LYPLAL1: variants seen among roughly 807,000 people sequenced by gnomAD.
LYPLAL1 encodes lysophospholipase like 1.
LYPLAL1 carries 23 observed loss-of-function variants against 19.7 expected under a neutral mutation model. The observed-to-expected ratio is 1.17, with a 90% CI of 0.84 to 1.65. The LOEUF (loss-of-function observed/expected upper bound fraction) is 1.65. LYPLAL1 is among the 40% of genes most tolerant of loss of function. The probability of loss-of-function intolerance (pLI) is 0.00; values close to 1 mark genes in which losing one functional copy is unlikely to be tolerated. For missense variants in LYPLAL1, 355 were observed against 279.4 expected (o/e 1.27, Z -1.93); for synonymous variants, 119 against 96.3 (o/e 1.24, Z -1.38).
chr1:219,260,084 A>C, the LYPLAL1 span, among the ~76,000 whole-genome samples: 2 of 152,048 alleles, frequency 1.3e-5, no homozygotes, highest in Non-Finnish European at 2.9e-5. Context: ...ATAATTTTAC[A>C]AAACAGCAGA....
the LYPLAL1 span, among the ~76,000 whole-genome samples, chr1:219,388,950 A>G: frequency 3.3e-5 from 5 of 152,306 alleles, no homozygotes; most frequent in South Asian, 6.2e-4. Context: ...GTGGACTAGA[A>G]TACACAGCTA....
At chr1:219,346,514 G>A in the LYPLAL1 span, among the ~76,000 whole-genome samples, 2 of 149,324 alleles carry the variant, frequency 1.3e-5, no homozygotes, top group Non-Finnish European at 3.0e-5. Context: ...TGGGAAAATA[G>A]GGCCAGTTTC....
chr1:219,417,388 G>T, the LYPLAL1 span, among the ~76,000 whole-genome samples: 3 of 152,124 alleles, frequency 2.0e-5, no homozygotes, highest in Admixed American at 2.0e-4. Flanking sequence ...GCTGCAAATA[G>T]TTTTTTAAAA....
At chr1:219,258,828 C>A in the LYPLAL1 span, among the ~76,000 whole-genome samples, 7 of 151,950 alleles carry the variant, frequency 4.6e-5, no homozygotes, top group Non-Finnish European at 7.4e-5. Flanking sequence ...GCAAAGTAAA[C>A]AGATAACCCA....
At chr1:219,175,044 T>A in intron 1 of LYPLAL1, 1 of 985,298 alleles carries the variant, frequency 1.0e-6, no homozygotes, top group Non-Finnish European at 1.2e-6. Flanking sequence ...GGACGGTGAT[T>A]GGAAGGGAAT....
At chr1:219,263,961 G>A in the LYPLAL1 span, among the ~76,000 whole-genome samples, 2 of 152,134 alleles carry the variant, frequency 1.3e-5, no homozygotes, top group African/African-American at 4.8e-5. Context: ...TGTTCCTGTG[G>A]CAGGTCTCAG....
Position 219,193,149 on chromosome 1 carries a change from TGCC to T in LYPLAL1, c.260_262del (p.Cys87_Pro88delinsSer). ...TGACAGATTTAAAATAACCAATGAC[TGCC>T]CAGAACACCTTGAATCAATTGATGT... On this transcript the variant is annotated inframe_deletion, in exon 3 of 5. Coordinates refer to ENST00000366928, the MANE Select transcript of LYPLAL1 (RefSeq NM_138794.5). 6.2e-7 allele frequency: 1 copy of T among 1,609,686 alleles called. No homozygotes were observed. Among genetic ancestry groups the T allele is most frequent in the African/African-American group, 1.3e-5 (1 of 74,740 alleles).
At chr1:219,332,058 G>T in the LYPLAL1 span, among the ~76,000 whole-genome samples, 1 of 152,162 alleles carries the variant, frequency 6.6e-6, no homozygotes, top group Admixed American at 6.5e-5. Context: ...GTAAATTTGT[G>T]TAAGGAAAAG....
chr1:219,441,682 C>G, the LYPLAL1 span, among the ~76,000 whole-genome samples: 1 of 152,182 alleles, frequency 6.6e-6, no homozygotes, highest in Non-Finnish European at 1.5e-5. Flanking sequence ...AACGCTGTAG[C>G]CACCACTAAC....
At chr1:219,249,421 T>G in the LYPLAL1 span, among the ~76,000 whole-genome samples, 1 of 151,982 alleles carries the variant, frequency 6.6e-6, no homozygotes, top group South Asian at 2.1e-4. Flanking sequence ...AATGCCACCA[T>G]TTCTCCATTC....
chr1:219,319,387 G>A, the LYPLAL1 span, among the ~76,000 whole-genome samples: 597 of 152,220 alleles, frequency 3.9e-3, no homozygotes, highest in Non-Finnish European at 6.6e-3. Context: ...TGAATGGGGA[G>A]TGCTTCCTGG....
chr1:219,411,994 TAGG>T, the LYPLAL1 span: 1 of 152,626 alleles, frequency 6.6e-6, no homozygotes, highest in Non-Finnish European at 1.5e-5. Flanking sequence ...GGAATGTGCT[TAGG>T]AGAAGTATTG....
chr1:219,371,234 C>T, the LYPLAL1 span, among the ~76,000 whole-genome samples: 1 of 152,130 alleles, frequency 6.6e-6, no homozygotes, highest in Non-Finnish European at 1.5e-5. Flanking sequence ...TAAAAAGAGG[C>T]AGGATGCATA....
intron 2 of LYPLAL1, 71 bp downstream of exon 2, chr1:219,179,317 C>G: frequency 9.4e-7 from 1 of 1,067,770 alleles, no homozygotes; most frequent in South Asian, 1.4e-5. Context: ...GATGTGCCAG[C>G]TAGGTGTTCT....
At chr1:219,293,256 G>A in the LYPLAL1 span, among the ~76,000 whole-genome samples, 10 of 151,726 alleles carry the variant, frequency 6.6e-5, no homozygotes, top group African/African-American at 2.2e-4. Context: ...ACCATACAGA[G>A]CTGAAAAAAA....
the LYPLAL1 span, among the ~76,000 whole-genome samples, chr1:219,362,161 C>T: frequency 2.6e-5 from 4 of 152,122 alleles, no homozygotes; most frequent in Admixed American, 6.6e-5. Context: ...TCCGAGGTAA[C>T]CCAGCAAGGA....
At chr1:219,207,168 A>G (rs547442742) in intron 3 of LYPLAL1, among the ~76,000 whole-genome samples, 4 of 151,970 alleles carry the variant, frequency 2.6e-5, no homozygotes, top group African/African-American at 9.6e-5. Flanking sequence ...GAAAAAAATA[A>G]TAAATTTGCT....
the LYPLAL1 span, among the ~76,000 whole-genome samples, chr1:219,437,399 C>A: frequency 1.3e-5 from 2 of 152,114 alleles, no homozygotes; most frequent in African/African-American, 4.8e-5. Flanking sequence ...GCTCTCAAAT[C>A]TTCCACGTCT....
the LYPLAL1 span, among the ~76,000 whole-genome samples, chr1:219,374,485 T>C: frequency 6.6e-6 from 1 of 152,266 alleles, no homozygotes; most frequent in East Asian, 1.9e-4. Context: ...CCTCCCATGA[T>C]TAACAAGAAT....
Sources: allele counts gnomAD v4.1 joint callset (sites outside exome capture counted in the v4.1 genomes callset), GRCh38; gene constraint gnomAD v4.1.1; transcripts MANE v1.5; gene names NCBI Gene and HGNC (gene_info 2026-07-23, HGNC 2026-07-21).